The following DOCK3 variants were observed in gnomAD, a reference collection of about 807,000 sequenced individuals.
The protein encoded by DOCK3 is dedicator of cytokinesis protein 3.
In DOCK3, 60 loss-of-function variants were observed where a neutral mutation model predicts 265.6. The ratio of observed to expected loss-of-function variants is 0.23; its 90% confidence interval spans 0.18 to 0.28. The LOEUF (loss-of-function observed/expected upper bound fraction) is 0.28, where lower values mean the gene tolerates loss of function less well. Among genes scored for constraint, DOCK3 ranks in the 10% least tolerant of loss-of-function variants. DOCK3 has a pLI of 1.00. For missense variants in DOCK3, 1,981 were observed against 2,594.3 expected (o/e 0.76, Z 5.14); for synonymous variants, 881 against 938.0 (o/e 0.94, Z 1.11).
At chr3:51,052,545 T>A (rs1200059799) in intron 5 of DOCK3, among the ~76,000 whole-genome samples, 3 of 152,156 alleles carry the variant, frequency 2.0e-5, no homozygotes, top group Non-Finnish European at 4.4e-5. Context: ...AGGTAGGAGT[T>A]AACGCAACAT....
At chr3:51,235,758 T>C (rs1412168314) in intron 19 of DOCK3, among the ~76,000 whole-genome samples, 4 of 152,248 alleles carry the variant, frequency 2.6e-5, no homozygotes. Flanking sequence ...AATAGGCACA[T>C]GTTGAAACAA....
At chr3:50,678,787 G>A (rs999112086) in intron 1 of DOCK3, among the ~76,000 whole-genome samples, 1 of 145,630 alleles carries the variant, frequency 6.9e-6, no homozygotes, top group Admixed American at 7.0e-5. Context: ...GACTACAGGT[G>A]TTTACTACCT....
chr3:50,764,760 G>T lies in DOCK3; in HGVS notation c.38-13915G>T, dbSNP rs28392178. Among the ~76,000 whole-genome samples the T allele has an allele frequency of 2.7e-3, 415 of 152,172 alleles. 1 individual carries two copies. Among genetic ancestry groups the T allele is most frequent in the African/African-American group, 9.6e-3 (397 of 41,506 alleles). The stretch of plus-strand genomic sequence containing the variant: ...CCAAGGAGTTTGAGACCAGCCTGGG[G>T]AACATGACGAGACCCCATCTCTTAA... On this transcript the variant is annotated intron_variant, in intron 1 of 52. Transcript: ENST00000266037.
chr3:51,271,933 C>T (rs1328532635), intron 24 of DOCK3, among the ~76,000 whole-genome samples: 1 of 151,686 alleles, frequency 6.6e-6, no homozygotes, highest in Non-Finnish European at 1.5e-5. Context: ...CATTCGATAC[C>T]TTTCCAGTCT....
At chr3:51,098,496 ATAATC>A (rs2082956277) in intron 9 of DOCK3, among the ~76,000 whole-genome samples, 1 of 152,238 alleles carries the variant, frequency 6.6e-6, no homozygotes, top group Non-Finnish European at 1.5e-5. Context: ...CCCAAATGAG[ATAATC>A]TGCCTCTGTG....
chr3:51,288,597 TAAAAA>T (rs137976463), intron 27 of DOCK3, among the ~76,000 whole-genome samples: 2 of 151,406 alleles, frequency 1.3e-5, no homozygotes, highest in African/African-American at 4.9e-5. Flanking sequence ...GAACCTAAAA[TAAAAA>T]AAGAAAAAAG....
chr3:50,775,108 AT>A (rs986369403), intron 1 of DOCK3, among the ~76,000 whole-genome samples: 22 of 151,900 alleles, frequency 1.4e-4, no homozygotes, highest in Non-Finnish European at 2.5e-4. Context: ...ATTAGCCGTA[AT>A]TTTCCTTTAG....
intron 14 of DOCK3, among the ~76,000 whole-genome samples, chr3:51,219,658 G>A (rs1350905022): frequency 6.6e-6 from 1 of 152,174 alleles, no homozygotes; most frequent in Non-Finnish European, 1.5e-5. Flanking sequence ...GAATCAGAAA[G>A]GTGGAAAGCT....
chr3:51,086,243 G>T (rs567193690), intron 7 of DOCK3, among the ~76,000 whole-genome samples: 41 of 152,232 alleles, frequency 2.7e-4, no homozygotes, highest in Middle Eastern at 3.4e-3. Context: ...GGCACAGATC[G>T]CTCATGCTAT....
intron 3 of DOCK3, among the ~76,000 whole-genome samples, chr3:50,857,282 G>T (rs1401236766): frequency 6.6e-6 from 1 of 152,122 alleles, no homozygotes; most frequent in Non-Finnish European, 1.5e-5. Flanking sequence ...TTAGAATTCG[G>T]CTGTGAATCT....
intron 6 of DOCK3, among the ~76,000 whole-genome samples, chr3:51,074,643 G>A (rs2081991693): frequency 6.6e-6 from 1 of 152,018 alleles, no homozygotes; most frequent in African/African-American, 2.4e-5. Context: ...CATGGACATG[G>A]GGAAGGGAAC....
intron 27 of DOCK3, among the ~76,000 whole-genome samples, chr3:51,292,801 C>T (rs2081861664): frequency 6.6e-6 from 1 of 152,084 alleles, no homozygotes; most frequent in Admixed American, 6.5e-5. Flanking sequence ...CCTCAGCCTC[C>T]TGAGTAGCTG....
At chr3:51,312,204 AT>A in intron 29 of DOCK3, 125 bp downstream of exon 29, 1 of 893,388 alleles carries the variant, frequency 1.1e-6, no homozygotes, top group South Asian at 1.6e-5. Context: ...CCTGATGATG[AT>A]TAGAATATGA....
At chr3:51,146,796 AAACTG>A (rs2085321908) in intron 10 of DOCK3, among the ~76,000 whole-genome samples, 166 bp downstream of exon 10, 1 of 152,224 alleles carries the variant, frequency 6.6e-6, no homozygotes, top group African/African-American at 2.4e-5. Flanking sequence ...TATTTATAGA[AAACTG>A]AAATTATATA....
intron 22 of DOCK3, 151 bp from the exon 23 acceptor site, chr3:51,260,005 A>C: frequency 1.4e-6 from 1 of 704,580 alleles, no homozygotes; most frequent in Non-Finnish European, 2.1e-6. Flanking sequence ...AAATTTTTAA[A>C]AATAAAGTAC....
chr3:51,290,284 G>C (rs1330934576), intron 27 of DOCK3, among the ~76,000 whole-genome samples: 2 of 152,176 alleles, frequency 1.3e-5, no homozygotes, highest in Admixed American at 6.5e-5. Context: ...TGGAACCAAC[G>C]CAGATGTCCA....
At chr3:50,869,776 A>G (rs555516437) in intron 3 of DOCK3, among the ~76,000 whole-genome samples, 3 of 152,092 alleles carry the variant, frequency 2.0e-5, no homozygotes, top group South Asian at 2.1e-4. Flanking sequence ...TTTCTTCTTT[A>G]TTGATGTAGG....
intron 4 of DOCK3, among the ~76,000 whole-genome samples, chr3:50,931,311 C>T (rs527904265): frequency 7.2e-4 from 110 of 152,306 alleles, no homozygotes; most frequent in African/African-American, 2.6e-3. Flanking sequence ...CTGACTGCAG[C>T]AGTTTACAGT....
chr3:50,693,512 GTTCA>G (rs2035385241), intron 1 of DOCK3, among the ~76,000 whole-genome samples: 1 of 114,884 alleles, frequency 8.7e-6, no homozygotes, highest in Non-Finnish European at 1.9e-5. Context: ...TTTTCATATT[GTTCA>G]TTAATTTCCT....
Sources: allele counts gnomAD v4.1 joint callset (sites outside exome capture counted in the v4.1 genomes callset), GRCh38; gene constraint gnomAD v4.1.1; transcripts MANE v1.5; gene names NCBI Gene and HGNC (gene_info 2026-07-23, HGNC 2026-07-21).